ALDH1L1: variants seen among roughly 807,000 people sequenced by gnomAD.
The protein encoded by ALDH1L1 is aldehyde dehydrogenase 1 family member L1, also known as cytosolic 10-formyltetrahydrofolate dehydrogenase.
Under a neutral mutation model 101.1 loss-of-function variants are expected in ALDH1L1, and 68 were observed. The observed-to-expected ratio is 0.67, with a 90% CI of 0.55 to 0.82. The LOEUF (loss-of-function observed/expected upper bound fraction) is 0.82. Ranked by LOEUF, ALDH1L1 falls within the 40% of genes least tolerant of loss-of-function variation. ALDH1L1 has a pLI of 0.00. For missense variants in ALDH1L1, 1,087 were observed against 1,172.7 expected (o/e 0.93, Z 1.07); for synonymous variants, 486 against 470.8 (o/e 1.03, Z -0.42).
At chr3:126,197,031 A>G (rs755928829) in intron 1 of ALDH1L1, among the ~76,000 whole-genome samples, 4 of 152,224 alleles carry the variant, frequency 2.6e-5, no homozygotes, top group Non-Finnish European at 5.9e-5. Flanking sequence ...AGAGACCAAG[A>G]GAAAGTACCA....
At chr3:126,182,633 A>G (rs2081486974), upstream of ALDH1L1, among the ~76,000 whole-genome samples, 1 of 152,244 alleles carries the variant, frequency 6.6e-6, no homozygotes, top group South Asian at 2.1e-4. Context: ...CTGCAATGGG[A>G]AAGTGGTGTG....
At chr3:126,123,445 AC>A (rs1421472179) in intron 16 of ALDH1L1, among the ~76,000 whole-genome samples, 1 of 151,962 alleles carries the variant, frequency 6.6e-6, no homozygotes, top group Non-Finnish European at 1.5e-5. Flanking sequence ...TTTAATAGAG[AC>A]GGGGTTTCAC....
intron 20 of ALDH1L1, among the ~76,000 whole-genome samples, chr3:126,109,626 A>C (rs915423983): frequency 1.3e-5 from 2 of 152,218 alleles, no homozygotes; most frequent in Non-Finnish European, 2.9e-5. Flanking sequence ...AGCCAGTGAA[A>C]TAGAGGAAAA....
intron 2 of ALDH1L1, chr3:126,159,505 T>C (rs1159036468): frequency 6.6e-6 from 3 of 456,746 alleles, no homozygotes; most frequent in Non-Finnish European, 4.4e-6. Context: ...GGTGTGATGT[T>C]TGGGCCCTGA....
chr3:126,103,595 C>T lies in ALDH1L1; in HGVS notation c.*196G>A, dbSNP rs964970610. The T allele has an allele frequency of 1.6e-6, 1 of 609,820 alleles. No homozygotes were observed. Among genetic ancestry groups the T allele is most frequent in the African/African-American group, 1.9e-5 (1 of 54,050 alleles). The allele number at this position is 609,820 out of a possible 1,614,324, so 37.8% of individuals were successfully genotyped here. ...TCTCTCTTCAGAAGCTTTATTCTCC[C>T]TGGGAGGGGCACACCTCACCCAGCC... On this transcript the variant is annotated 3_prime_UTR_variant, in exon 23 of 23. Transcript: ENST00000393434.
Position 126,118,109 on chromosome 3 carries a change from G to T in ALDH1L1, c.1889-11C>A, listed in dbSNP as rs763457731. ...GGCCGACCAGGGAGCCTGTGGGCGG[G>T]AGGGAGGGGGGAATCAGAGTGGTCC... On this transcript the variant is annotated splice_polypyrimidine_tract_variant and intron_variant, in intron 16 of 22. Transcript: ENST00000393434. The T allele has an allele frequency of 1.2e-6, 2 of 1,602,298 alleles. No individual in the cohort carries two copies. The highest frequency in any genetic ancestry group is 2.2e-5 in the East Asian group (1 of 44,802).
chr3:126,137,803 C>T lies in ALDH1L1; in HGVS notation c.1224+10G>A. The T allele has an allele frequency of 1.2e-6, 2 of 1,612,684 alleles. No individual in the cohort carries two copies. The highest frequency in any genetic ancestry group is 2.2e-5 in the East Asian group (1 of 44,842). ...TGCAGGGCCTGCTGCAGGGAGGGCC[C>T]AGCACTCACGTAGTCAATGCTGCAC... is the stretch of plus-strand genomic sequence containing the variant. On this transcript the variant is annotated intron_variant, in intron 10 of 22. Coordinates refer to ENST00000393434, the MANE Select transcript of ALDH1L1 (RefSeq NM_012190.4).
intron 8 of ALDH1L1, among the ~76,000 whole-genome samples, chr3:126,147,832 C>T (rs2080726615): frequency 1.3e-5 from 2 of 152,154 alleles, no homozygotes; most frequent in Admixed American, 6.5e-5. Flanking sequence ...TCTGCCCTTC[C>T]CATCCTCAGG....
rs145725373 is a variant in ALDH1L1, at chr3:126,110,085, C to T, written c.2206G>A (p.Val736Met). The T allele has an allele frequency of 9.4e-5, 152 of 1,614,060 alleles. No homozygotes were observed. The highest frequency in any genetic ancestry group is 1.2e-4 in the Non-Finnish European group (136 of 1,180,036). ...RVVEEVRKMK[V>M]GNPLDRDTDH... Reference sequence around the variant, plus strand: ...GTGTCCCTGTCCAGCGGGTTGCCCACCTTCATCTTCCGCACCTCTTCTACC... The same window carrying T: ...GTGTCCCTGTCCAGCGGGTTGCCCATCTTCATCTTCCGCACCTCTTCTACC... The change falls in exon 20 of 23, where the codon GTG becomes ATG. Residue 736 changes from valine (V) to methionine (M), a missense_variant. Coordinates refer to ENST00000393434, the MANE Select transcript of ALDH1L1 (RefSeq NM_012190.4).
At chr3:126,172,175 G>T (rs1032876229) in intron 1 of ALDH1L1, among the ~76,000 whole-genome samples, 26 of 152,084 alleles carry the variant, frequency 1.7e-4, no homozygotes, top group Non-Finnish European at 3.4e-4. Flanking sequence ...CTGATTTTCT[G>T]CAAAACAATT....
intron 1 of ALDH1L1, among the ~76,000 whole-genome samples, chr3:126,189,864 T>C (rs1462725986): frequency 6.6e-6 from 1 of 152,188 alleles, no homozygotes. Flanking sequence ...AAGCCAATGG[T>C]AGTGCCTTTG....
chr3:126,141,302 C>T (rs2080563241), intron 9 of ALDH1L1, among the ~76,000 whole-genome samples: 2 of 151,850 alleles, frequency 1.3e-5, no homozygotes, highest in Admixed American at 1.3e-4. Context: ...ACTTAGATGC[C>T]CAACTTTCAA....
In ALDH1L1 at chr3:126,135,671, G is replaced by A. The variant is rs1247951691; in HGVS notation, c.1345-9C>T. On this transcript the variant is annotated splice_polypyrimidine_tract_variant and intron_variant, in intron 11 of 22. Transcript: ENST00000393434. ...GATACCTGGCAGATGACCTATAGTG[G>A]AAGCAGAGCCATGACAAGTTCTCCC... 2.0e-6 allele frequency: 3 copies of A among 1,523,852 alleles called. No individual in the cohort carries two copies. The highest frequency in any genetic ancestry group is 2.7e-6 in the Non-Finnish European group (3 of 1,131,902). 94.4% of individuals were successfully genotyped at this position (1,523,852 alleles called of 1,614,324 possible). A position where few individuals can be genotyped will look rare whatever the true frequency, so the allele number is the denominator to read the frequency against.
intron 1 of ALDH1L1, among the ~76,000 whole-genome samples, chr3:126,163,300 T>G (rs2081099768): frequency 6.6e-6 from 1 of 152,232 alleles, no homozygotes; most frequent in African/African-American, 2.4e-5. Flanking sequence ...TGACGTTGTA[T>G]TAACTAGCAC....
chr3:126,136,684 C>G, intron 11 of ALDH1L1, 80 bp downstream of exon 11: 2 of 1,537,826 alleles, frequency 1.3e-6, no homozygotes, highest in Non-Finnish European at 1.8e-6. Context: ...GGGTCAGGAC[C>G]CCCAGAGGCC....
At chr3:126,111,768 G>C (rs1946084848) in intron 19 of ALDH1L1, among the ~76,000 whole-genome samples, 1 of 152,150 alleles carries the variant, frequency 6.6e-6, no homozygotes. Flanking sequence ...GTTGCTGGCT[G>C]TTTCTCCCGC....
chr3:126,116,030 A>G, intron 17 of ALDH1L1, among the ~76,000 whole-genome samples: 1 of 139,098 alleles, frequency 7.2e-6, no homozygotes, highest in African/African-American at 2.9e-5. Context: ...ATACCACCAC[A>G]CCTGGCTATT....
Position 126,105,933 on chromosome 3 carries a change from G to C in ALDH1L1, c.2454-8C>G. ...AGCACGGCATCCAAGTCCCTGGAGA[G>C]AAAGTCCAGGAAGAACTCCCTGAGG... On this transcript the variant is annotated splice_region_variant and splice_polypyrimidine_tract_variant and intron_variant, in intron 21 of 22. Coordinates refer to ENST00000393434, the MANE Select transcript of ALDH1L1 (RefSeq NM_012190.4). 6.2e-7 allele frequency: 1 copy of C among 1,610,778 alleles called. No homozygotes were observed. Among genetic ancestry groups the C allele is most frequent in the South Asian group, 1.1e-5 (1 of 90,980 alleles).
At position 126,158,446 on chromosome 3, in the gene ALDH1L1, C is replaced by T. The variant is rs774573944; in HGVS notation, c.321G>A (p.Pro107=). 9.3e-6 allele frequency: 15 copies of T among 1,612,258 alleles called. No homozygotes were observed. Among genetic ancestry groups the T allele is most frequent in the Admixed American group, 5.0e-5 (3 of 59,834 alleles). ...APRHGSIIYH[P]SLLPRHRGAS... ...CCCCTCGGTGCCTAGGGAGCAGTGA[C>T]GGGTGATAGATGATGGAGCCATGCC... is the stretch of plus-strand genomic sequence containing the variant. The change falls in exon 3 of 23, where the codon CCG becomes CCA. Residue 107 remains proline, a synonymous_variant. Transcript: ENST00000393434.
Sources: allele counts gnomAD v4.1 joint callset (sites outside exome capture counted in the v4.1 genomes callset), GRCh38; gene constraint gnomAD v4.1.1; transcripts MANE v1.5; gene names NCBI Gene and HGNC (gene_info 2026-07-23, HGNC 2026-07-21).